Variants in SLC44A5 observed in about 807,000 individuals in gnomAD.
SLC44A5 encodes the protein solute carrier family 44 member 5.
A neutral mutation model predicts 101.8 loss-of-function variants in SLC44A5; 57 were observed. The ratio of observed to expected loss-of-function variants is 0.56; its 90% confidence interval spans 0.45 to 0.70. The LOEUF is 0.70. SLC44A5 is among the 30% of genes least tolerant of loss of function. The pLI, the probability that SLC44A5 is intolerant of heterozygous loss-of-function variation, is 0.00. For missense variants in SLC44A5, 737 were observed against 853.1 expected (o/e 0.86, Z 1.70); for synonymous variants, 281 against 290.9 (o/e 0.97, Z 0.35).
the SLC44A5 span, among the ~76,000 whole-genome samples, chr1:75,722,492 G>A: frequency 6.6e-6 from 1 of 152,148 alleles, no homozygotes; most frequent in South Asian, 2.1e-4. Context: ...CCACCCAGGA[G>A]GACTGCTGAG....
rs569064397 is a variant in SLC44A5, at chr1:75,561,997, G to A, written c.-69-20481C>T. Among the ~76,000 whole-genome samples the A allele has an allele frequency of 7.9e-5, 12 of 152,014 alleles. No individual in the cohort carries two copies. The South Asian group carries it at 2.5e-3, about 32-fold the overall frequency. ...AAGGAGAAGAAAAGATAACTATTGG[G>A]TTCTGGGCTTAATACTTTGGTGATA... On this transcript the variant is annotated intron_variant, in intron 1 of 23. Coordinates refer to ENST00000370859, the MANE Select transcript of SLC44A5 (RefSeq NM_001130058.2).
intron 3 of SLC44A5, among the ~76,000 whole-genome samples, chr1:75,391,825 G>A (rs1661809202): frequency 6.6e-6 from 1 of 152,066 alleles, no homozygotes; most frequent in African/African-American, 2.4e-5. Context: ...AAAGAATTTA[G>A]AACTAAGTCC....
At chr1:75,412,186 C>A (rs1477557034) in intron 2 of SLC44A5, among the ~76,000 whole-genome samples, 2 of 152,092 alleles carry the variant, frequency 1.3e-5, no homozygotes, top group Non-Finnish European at 2.9e-5. Context: ...TCTTTAAATG[C>A]AAGGACTATA....
At chr1:75,511,852 G>A (rs974053538) in intron 2 of SLC44A5, among the ~76,000 whole-genome samples, 1 of 152,146 alleles carries the variant, frequency 6.6e-6, no homozygotes, top group Non-Finnish European at 1.5e-5. Context: ...TTAGGGTCAA[G>A]CCAGACTATT....
At chr1:75,605,051 G>A (rs1033057569) in intron 1 of SLC44A5, among the ~76,000 whole-genome samples, 1 of 151,928 alleles carries the variant, frequency 6.6e-6, no homozygotes, top group African/African-American at 2.4e-5. Flanking sequence ...GGAAGAGTGG[G>A]CATCCTTGTC....
chr1:75,570,825 G>GA (rs1673035525), intron 1 of SLC44A5, among the ~76,000 whole-genome samples: 2 of 152,136 alleles, frequency 1.3e-5, no homozygotes, highest in Middle Eastern at 3.4e-3. Context: ...GATCATACTA[G>GA]AAAAAAATAA....
At chr1:75,227,295 G>A (rs1384080309) in intron 13 of SLC44A5, among the ~76,000 whole-genome samples, 2 of 152,098 alleles carry the variant, frequency 1.3e-5, no homozygotes, top group Non-Finnish European at 2.9e-5. Context: ...AGTTTGGGAG[G>A]TCAAGGGTGA....
chr1:75,334,437 G>A (rs1657288370), intron 4 of SLC44A5, among the ~76,000 whole-genome samples: 1 of 152,156 alleles, frequency 6.6e-6, no homozygotes, highest in Non-Finnish European at 1.5e-5. Context: ...GATTATTAAA[G>A]CCTCAACTCA....
At chr1:75,619,220 G>A in the SLC44A5 span, among the ~76,000 whole-genome samples, 355 of 151,064 alleles carry the variant, frequency 2.4e-3, 1 homozygote, top group African/African-American at 7.6e-3. Flanking sequence ...AGAAAGGGAC[G>A]GAGAGCAGGA....
chr1:75,253,116 T>C lies in SLC44A5; in HGVS notation c.261-1822A>G, dbSNP rs143915147. Among the ~76,000 whole-genome samples the C allele has an allele frequency of 5.0e-3, 757 of 152,330 alleles. 3 individuals are homozygous for C. The highest frequency in any genetic ancestry group is 8.6e-3 in the Non-Finnish European group (586 of 68,036). On this transcript the variant is annotated intron_variant, in intron 6 of 23. Coordinates refer to ENST00000370859, the MANE Select transcript of SLC44A5 (RefSeq NM_001130058.2). ...GCACAGAAATATTCCAGTTGCTTTT[T>C]CTTTAGTAAGAAGGGGCAGTAGCTA...
intron 2 of SLC44A5, among the ~76,000 whole-genome samples, chr1:75,415,803 A>C (rs373740815): frequency 1.4e-4 from 21 of 152,182 alleles, no homozygotes; most frequent in African/African-American, 5.1e-4. Context: ...TTTAGCAAAG[A>C]GACTGGTGGC....
chr1:75,359,711 G>A (rs1282492191), intron 3 of SLC44A5, among the ~76,000 whole-genome samples: 1 of 152,020 alleles, frequency 6.6e-6, no homozygotes, highest in African/African-American at 2.4e-5. Flanking sequence ...TGGATCATGT[G>A]GTAATTCTAT....
the SLC44A5 span, among the ~76,000 whole-genome samples, chr1:75,660,707 A>C: frequency 6.6e-6 from 1 of 152,192 alleles, no homozygotes; most frequent in African/African-American, 2.4e-5. Flanking sequence ...AAGCAAGCCC[A>C]TTTACAATAG....
At chr1:75,251,552 C>T (rs1300545459) in intron 6 of SLC44A5, among the ~76,000 whole-genome samples, 1 of 152,002 alleles carries the variant, frequency 6.6e-6, no homozygotes, top group Non-Finnish European at 1.5e-5. Flanking sequence ...TAGAACATTA[C>T]ATTGCCATTG....
intron 2 of SLC44A5, among the ~76,000 whole-genome samples, chr1:75,419,056 G>A (rs1663837775): frequency 6.6e-6 from 1 of 152,156 alleles, no homozygotes; most frequent in African/African-American, 2.4e-5. Context: ...ATTTCAGCAA[G>A]TTGAGGAGAC....
chr1:75,603,291 T>C (rs144145488), intron 1 of SLC44A5, among the ~76,000 whole-genome samples: 2,268 of 152,214 alleles, frequency 0.015, 37 homozygotes, highest in South Asian at 0.037. Context: ...ACTGCATCCA[T>C]GTTGCTGCAA....
intron 3 of SLC44A5, among the ~76,000 whole-genome samples, chr1:75,375,492 GT>G (rs1458811327): frequency 6.6e-6 from 1 of 152,148 alleles, no homozygotes; most frequent in African/African-American, 2.4e-5. Context: ...GAGAATCTTT[GT>G]GAGACATTAT....
intron 4 of SLC44A5, among the ~76,000 whole-genome samples, chr1:75,333,163 G>A (rs1657177464): frequency 6.6e-6 from 1 of 152,102 alleles, no homozygotes; most frequent in South Asian, 2.1e-4. Context: ...AAAAACCTAT[G>A]TCCATAGCAC....
chr1:75,399,998 C>T (rs138451429), intron 2 of SLC44A5, among the ~76,000 whole-genome samples: 2 of 152,226 alleles, frequency 1.3e-5, no homozygotes, highest in African/African-American at 4.8e-5. Context: ...AATACTAAGC[C>T]GCTGTTAAAA....
Sources: gnomAD v4.1 joint callset for allele counts (sites outside exome capture counted in the v4.1 genomes callset) on GRCh38, gnomAD v4.1.1 for gene constraint, MANE v1.5 for transcripts, NCBI Gene and HGNC (gene_info 2026-07-23, HGNC 2026-07-21) for gene names.